The following KCNIP4 variants were observed in gnomAD, a reference collection of about 807,000 sequenced individuals.
The protein encoded by KCNIP4 is Kv channel-interacting protein 4.
Under a neutral mutation model 34.0 loss-of-function variants are expected in KCNIP4, and 12 were observed. The ratio of observed to expected loss-of-function variants is 0.35; its 90% CI spans 0.23 to 0.57. The LOEUF is 0.57. Among genes scored for constraint, KCNIP4 ranks in the 20% least tolerant of loss-of-function variants. The pLI is 0.83. For synonymous variants in KCNIP4, 124 were observed against 102.2 expected (o/e 1.21, Z -1.29); for missense variants, 238 against 311.7 (o/e 0.76, Z 1.78).
intron 1 of KCNIP4, among the ~76,000 whole-genome samples, chr4:21,456,666 C>T (rs951388967): frequency 6.7e-5 from 10 of 148,590 alleles, no homozygotes; most frequent in Non-Finnish European, 1.2e-4. Flanking sequence ...AATTGGTTTG[C>T]CCAGTAAGTC....
intron 3 of KCNIP4, among the ~76,000 whole-genome samples, chr4:20,802,919 C>T (rs541423635): frequency 6.6e-6 from 1 of 151,578 alleles, no homozygotes; most frequent in South Asian, 2.1e-4. Context: ...ACTAAAAATA[C>T]AAAAAATTTG....
intron 1 of KCNIP4, among the ~76,000 whole-genome samples, chr4:21,258,170 C>T (rs527302379): frequency 6.6e-6 from 1 of 152,300 alleles, no homozygotes; most frequent in East Asian, 1.9e-4. Flanking sequence ...TCTAGCCCCA[C>T]TTCACATACA....
At chr4:21,784,794 A>C (rs530539433) in intron 1 of KCNIP4, among the ~76,000 whole-genome samples, 1 of 152,142 alleles carries the variant, frequency 6.6e-6, no homozygotes, top group Non-Finnish European at 1.5e-5. Context: ...TCTTATCATG[A>C]TCATGTCCTA....
At chr4:21,558,500 A>ATAAATAAATAAAT (rs1739257642) in intron 1 of KCNIP4, among the ~76,000 whole-genome samples, 1 of 151,460 alleles carries the variant, frequency 6.6e-6, no homozygotes, top group Non-Finnish European at 1.5e-5. Flanking sequence ...TCAAAAATAA[A>ATAAATAAATAAAT]TAAATAAATA....
chr4:20,880,804 C>T (rs537471061), intron 2 of KCNIP4, among the ~76,000 whole-genome samples: 168 of 152,220 alleles, frequency 1.1e-3, no homozygotes, highest in African/African-American at 3.8e-3. Flanking sequence ...GTGCCTGCAG[C>T]TTCAATATCA....
chr4:21,514,503 A>T (rs1454858977), intron 1 of KCNIP4, among the ~76,000 whole-genome samples: 1 of 152,208 alleles, frequency 6.6e-6, no homozygotes, highest in African/African-American at 2.4e-5. Flanking sequence ...TTCCACAGAG[A>T]ACTCAGAGCC....
intron 3 of KCNIP4, among the ~76,000 whole-genome samples, chr4:20,797,186 G>T (rs1273657452): frequency 6.6e-6 from 1 of 152,156 alleles, no homozygotes; most frequent in African/African-American, 2.4e-5. Context: ...GAGGTAATAG[G>T]ATTTTTCTAT....
chr4:21,916,591 A>G (rs11935597), intron 1 of KCNIP4, among the ~76,000 whole-genome samples: 38,528 of 152,122 alleles, frequency 0.25, 5,697 homozygotes, highest in East Asian at 0.61. Flanking sequence ...TATTCTATCT[A>G]TAAAAAGAAA....
rs1320185476 is a variant in KCNIP4, at chr4:21,159,453, C to T, written c.62-276744G>A. Among the ~76,000 whole-genome samples, 39 of 20,386 alleles carry T rather than the reference C, an allele frequency of 1.9e-3. 14 individuals carry two copies. The highest frequency in any genetic ancestry group is 5.0e-4 in the Non-Finnish European group (5 of 9,928). The allele number at this position is 20,386 out of a possible 152,430, so 13.4% of individuals were successfully genotyped here. A position where few individuals can be genotyped will look rare whatever the true frequency, so the allele number is the denominator to read the frequency against. ...GGTCTACAGCTCCCAGCGTGAGCGA[C>T]GCAGAAGACGGTGATTTCTGCATTT... On this transcript the variant is annotated intron_variant, in intron 1 of 8. Coordinates refer to ENST00000382152, the MANE Select transcript of KCNIP4 (RefSeq NM_025221.6).
intron 1 of KCNIP4, among the ~76,000 whole-genome samples, chr4:21,522,489 T>C (rs1735623948): frequency 6.6e-6 from 1 of 152,046 alleles, no homozygotes; most frequent in South Asian, 2.1e-4. Flanking sequence ...GCCTCCTGAG[T>C]AGCTATGACT....
At chr4:21,914,478 G>C (rs1011189665) in intron 1 of KCNIP4, among the ~76,000 whole-genome samples, 1 of 152,106 alleles carries the variant, frequency 6.6e-6, no homozygotes, top group Non-Finnish European at 1.5e-5. Flanking sequence ...TCAGCCCCTG[G>C]ACATGCCAGG....
intron 1 of KCNIP4, among the ~76,000 whole-genome samples, chr4:21,903,568 C>T (rs1913335): frequency 0.086 from 13,097 of 151,746 alleles, 1,906 homozygotes; most frequent in African/African-American, 0.3. Context: ...CAAATAGTGG[C>T]GTGAAAAGAG....
At chr4:21,896,536 A>C (rs1034206508) in intron 1 of KCNIP4, among the ~76,000 whole-genome samples, 6 of 152,148 alleles carry the variant, frequency 3.9e-5, no homozygotes, top group Non-Finnish European at 8.8e-5. Context: ...GGAAAATGTA[A>C]GTGTGGTCTG....
At chr4:21,293,639 C>T (rs191997166) in intron 1 of KCNIP4, among the ~76,000 whole-genome samples, 1 of 152,228 alleles carries the variant, frequency 6.6e-6, no homozygotes, top group East Asian at 1.9e-4. Flanking sequence ...TTTCTGTGTT[C>T]CCAGTCATGA....
intron 3 of KCNIP4, among the ~76,000 whole-genome samples, chr4:20,824,068 T>C (rs975162633): frequency 2.0e-5 from 3 of 152,306 alleles, no homozygotes; most frequent in South Asian, 4.1e-4. Flanking sequence ...ATAATAATGG[T>C]ATCTACCTCA....
At chr4:21,191,696 C>T (rs936268826) in intron 1 of KCNIP4, among the ~76,000 whole-genome samples, 12 of 152,182 alleles carry the variant, frequency 7.9e-5, no homozygotes, top group African/African-American at 2.9e-4. Context: ...TATCTGGGAT[C>T]AGTATAGTCT....
intron 1 of KCNIP4, among the ~76,000 whole-genome samples, chr4:21,319,339 C>T (rs1714132533): frequency 1.3e-5 from 2 of 152,224 alleles, no homozygotes; most frequent in African/African-American, 4.8e-5. Context: ...ACATGCTATA[C>T]ACAGAGTGAA....
intron 1 of KCNIP4, among the ~76,000 whole-genome samples, chr4:21,357,304 A>C (rs1446482240): frequency 6.6e-6 from 1 of 152,206 alleles, no homozygotes; most frequent in African/African-American, 2.4e-5. Context: ...ACAAAAGCCA[A>C]AATTGACAAA....
At chr4:20,868,029 A>G (rs1039878112) in intron 2 of KCNIP4, among the ~76,000 whole-genome samples, 2 of 152,094 alleles carry the variant, frequency 1.3e-5, no homozygotes, top group African/African-American at 2.4e-5. Context: ...AATAATAAAA[A>G]AAAGAAGCTA....
Sources: gnomAD v4.1 joint callset for allele counts (sites outside exome capture counted in the v4.1 genomes callset) on GRCh38, gnomAD v4.1.1 for gene constraint, MANE v1.5 for transcripts, NCBI Gene and HGNC (gene_info 2026-07-23, HGNC 2026-07-21) for gene names.